The following PTPN7 variants were observed in gnomAD, a reference collection of about 807,000 sequenced individuals.
The protein encoded by PTPN7 is protein tyrosine phosphatase non-receptor type 7.
PTPN7 carries 33 observed loss-of-function variants against 50.3 expected under a neutral mutation model. The ratio of observed to expected loss-of-function variants is 0.66; its 90% confidence interval spans 0.50 to 0.88. The LOEUF is 0.88. Among genes scored for constraint, PTPN7 ranks in the 40% least tolerant of loss-of-function variants. The pLI is 0.00. For missense variants in PTPN7, 412 were observed against 475.4 expected, an observed-to-expected ratio of 0.87 and a Z score of 1.24; for synonymous variants, 185 against 186.6, an observed-to-expected ratio of 0.99 and a Z score of 0.07.
At chr1:202,153,934 CT>C (rs1656345032) in intron 6 of PTPN7, 99 bp from the exon 7 acceptor site, 1 of 1,094,712 alleles carries the variant, frequency 9.1e-7, no homozygotes. Flanking sequence ...TCCACCCCTA[CT>C]GGATGGGAGG....
Position 202,160,411 on chromosome 1 carries a change from CA to C in PTPN7, c.-53+133del. Reference sequence around the variant, plus strand: ...GTCTTGGGGACATCAGGTCTGTGAGCACCCATACCCCAGCCAGGCACTGTGG... The same window carrying C: ...GTCTTGGGGACATCAGGTCTGTGAGCCCCATACCCCAGCCAGGCACTGTGG... On this transcript the variant is annotated intron_variant, in intron 1 of 9. Coordinates refer to ENST00000691036, the MANE Select transcript of PTPN7 (RefSeq NM_002832.4). The surrounding 1 kb of genome is among the most constrained non-coding windows in gnomAD (Gnocchi z 4.8). The C allele has an allele frequency of 1.1e-6, 1 of 910,002 alleles. No individual in the cohort carries two copies. Among genetic ancestry groups the C allele is most frequent in the Non-Finnish European group, 1.7e-6 (1 of 603,610 alleles). 56.4% of individuals were successfully genotyped at this position (910,002 alleles called of 1,614,324 possible). A position where few individuals can be genotyped will look rare whatever the true frequency, so the allele number is the denominator to read the frequency against.
chr1:202,156,737 A>G (rs892867382), intron 4 of PTPN7, among the ~76,000 whole-genome samples: 1 of 152,186 alleles, frequency 6.6e-6, no homozygotes, highest in Non-Finnish European at 1.5e-5. Flanking sequence ...CAGGCAGAGG[A>G]CACTCCAGGA....
Position 202,160,516 on chromosome 1 carries a change from G to T in PTPN7, c.-53+29C>A, listed in dbSNP as rs1308158959. The T allele has an allele frequency of 6.5e-7, 1 of 1,531,344 alleles. No homozygotes were observed. Among genetic ancestry groups the T allele is most frequent in the Non-Finnish European group, 8.8e-7 (1 of 1,132,418 alleles). The allele number at this position is 1,531,344 out of a possible 1,614,324, so 94.9% of individuals were successfully genotyped here. On this transcript the variant is annotated intron_variant, in intron 1 of 9. Transcript: ENST00000691036. This position sits in a 1 kb window ranked among gnomAD's most constrained non-coding sequence, Gnocchi z 4.8. ...GAGTTCGCACCCCCCGGGGCCACAG[G>T]ACTCCCAGTCCCCCCTTCAGATACT...
chr1:202,160,767 G>C, upstream of PTPN7: 1 of 1,550,838 alleles, frequency 6.4e-7, no homozygotes, highest in Non-Finnish European at 8.7e-7. This position sits in a 1 kb window ranked among gnomAD's most constrained non-coding sequence, Gnocchi z 4.8. Flanking sequence ...CCAAGGCCCC[G>C]TTCCCTGGGA....
In PTPN7 at chr1:202,160,033, C is replaced by T; in HGVS notation, c.-53+512G>A. On this transcript the variant is annotated intron_variant, in intron 1 of 9. Transcript: ENST00000691036. This position sits in a 1 kb window ranked among gnomAD's most constrained non-coding sequence, Gnocchi z 4.8. ...CCAGGGAGGTAGGCTGGAGGTGTTTCCTTCCTCCTCCTGCCCATCCCCCCG... is the reference window on the plus strand; with the variant it reads ...CCAGGGAGGTAGGCTGGAGGTGTTTTCTTCCTCCTCCTGCCCATCCCCCCG... 1 of 952,128 alleles carries T rather than the reference C, an allele frequency of 1.1e-6. No individual in the cohort carries two copies. The highest frequency in any genetic ancestry group is 1.3e-6 in the Non-Finnish European group (1 of 796,124). The allele number at this position is 952,128 out of a possible 1,614,324, so 59.0% of individuals were successfully genotyped here. A position where few individuals can be genotyped will look rare whatever the true frequency, so the allele number is the denominator to read the frequency against.
rs190915138 is a variant in PTPN7 at position 202,152,531 on chromosome 1, G to A, written c.875+11C>T. 1,804 of 1,610,378 alleles carry A rather than the reference G, an allele frequency of 1.1e-3. 4 individuals carry two copies. The highest frequency in any genetic ancestry group is 1.3e-3 in the Non-Finnish European group (1,486 of 1,179,484). ...CAGTCCACAGGCTGCAGTGAAGGGA[G>A]GGCCACGCACCTGCAGTGGACTACG... On this transcript the variant is annotated intron_variant, in intron 8 of 9. Transcript: ENST00000691036.
intron 9 of PTPN7, chr1:202,150,091 C>T: frequency 2.3e-6 from 1 of 435,134 alleles, no homozygotes; most frequent in South Asian, 2.7e-5. Context: ...CCTCAGCCTC[C>T]CAAAGTGCTG....
At chr1:202,150,859 C>T (rs767053053) in intron 8 of PTPN7, among the ~76,000 whole-genome samples, 10 of 152,108 alleles carry the variant, frequency 6.6e-5, no homozygotes, top group Admixed American at 2.0e-4. Context: ...CCCACCTTGG[C>T]GCCCTCCCAC....
Position 202,159,957 on chromosome 1 carries a change from A to G in PTPN7, c.-52-503T>C. 2 of 1,002,270 alleles carry G rather than the reference A, an allele frequency of 2.0e-6. No individual in the cohort carries two copies. The highest frequency in any genetic ancestry group is 8.9e-5 in the South Asian group (2 of 22,584). The allele number at this position is 1,002,270 out of a possible 1,614,324, so 62.1% of individuals were successfully genotyped here. A position where few individuals can be genotyped will look rare whatever the true frequency, so the allele number is the denominator to read the frequency against. On this transcript the variant is annotated intron_variant, in intron 1 of 9. Transcript: ENST00000691036. This position sits in a 1 kb window ranked among gnomAD's most constrained non-coding sequence, Gnocchi z 4.6. ...CTGGACCCCAGCAGGGTCCTCTCCT[A>G]ACTGCTGCTGTTCCACTCCCAGGTC...
In PTPN7 at chr1:202,160,485, T is replaced by A; in HGVS notation, c.-53+60A>T. On this transcript the variant is annotated intron_variant, in intron 1 of 9. Coordinates refer to ENST00000691036, the MANE Select transcript of PTPN7 (RefSeq NM_002832.4). The surrounding 1 kb of genome is among the most constrained non-coding windows in gnomAD (Gnocchi z 4.8). ...TCCCTCCTAGAGATGCCCTCTTATA[T>A]CCCCGGAGTTCGCACCCCCCGGGGC... 1 of 1,466,532 alleles carries A rather than the reference T, an allele frequency of 6.8e-7. No individual in the cohort carries two copies. The highest frequency in any genetic ancestry group is 9.2e-7 in the Non-Finnish European group (1 of 1,083,318). The allele number at this position is 1,466,532 out of a possible 1,614,324, so 90.8% of individuals were successfully genotyped here.
At chr1:202,160,664 C>T, upstream of PTPN7, 2 of 1,550,566 alleles carry the variant, frequency 1.3e-6, no homozygotes, top group Non-Finnish European at 8.7e-7. This position sits in a 1 kb window ranked among gnomAD's most constrained non-coding sequence, Gnocchi z 4.8. Context: ...TCCTTGCTGC[C>T]ACCCACGCAC....
At chr1:202,155,405 C>T in intron 5 of PTPN7, 128 bp downstream of exon 5, 1 of 911,096 alleles carries the variant, frequency 1.1e-6, no homozygotes. Flanking sequence ...AGGGCTATGA[C>T]AGCAGTGAGC....
chr1:202,160,997 T>C, upstream of PTPN7: 1 of 1,424,218 alleles, frequency 7.0e-7, no homozygotes, highest in East Asian at 2.5e-5. This position sits in a 1 kb window ranked among gnomAD's most constrained non-coding sequence, Gnocchi z 4.8. Flanking sequence ...CCTTCTCTGC[T>C]TCTGCCCCAC....
At chr1:202,160,899 C>T, upstream of PTPN7, 1 of 1,456,514 alleles carries the variant, frequency 6.9e-7, no homozygotes, top group Non-Finnish European at 9.0e-7. The surrounding 1 kb of genome is among the most constrained non-coding windows in gnomAD (Gnocchi z 4.8). Flanking sequence ...TTGCTGGGCA[C>T]AGCTCGCCTG....
intron 4 of PTPN7, among the ~76,000 whole-genome samples, chr1:202,157,446 T>C (rs920924657): frequency 2.0e-5 from 3 of 151,426 alleles, no homozygotes; most frequent in Non-Finnish European, 4.4e-5. Context: ...GAGGCGGAGG[T>C]TGCAGTGAGC....
chr1:202,152,343 G>A (rs1234867740), intron 8 of PTPN7, among the ~76,000 whole-genome samples, 199 bp downstream of exon 8: 1 of 152,232 alleles, frequency 6.6e-6, no homozygotes, highest in East Asian at 1.9e-4. Context: ...TGGGGCCTGG[G>A]TGTCCAGCCC....
At position 202,159,889 on chromosome 1, in the gene PTPN7, C is replaced by T; in HGVS notation, c.-52-435G>A. The T allele has an allele frequency of 2.9e-6, 3 of 1,024,560 alleles. No homozygotes were observed. The highest frequency in any genetic ancestry group is 3.4e-5 in the African/African-American group (2 of 58,696). 63.5% of individuals were successfully genotyped at this position (1,024,560 alleles called of 1,614,324 possible). A position where few individuals can be genotyped will look rare whatever the true frequency, so the allele number is the denominator to read the frequency against. On this transcript the variant is annotated intron_variant, in intron 1 of 9. Coordinates refer to ENST00000691036, the MANE Select transcript of PTPN7 (RefSeq NM_002832.4). The surrounding 1 kb of genome is among the most constrained non-coding windows in gnomAD (Gnocchi z 4.6). Reference sequence around the variant, plus strand: ...TCCCCTGAACAGAGAATGGAGGCCTCCAGCAGTGTTGGAGCTGGTTGGGCA... The same window carrying T: ...TCCCCTGAACAGAGAATGGAGGCCTTCAGCAGTGTTGGAGCTGGTTGGGCA...
chr1:202,148,775 T>A, intron 9 of PTPN7, 76 bp from the exon 10 acceptor site: 1 of 1,247,710 alleles, frequency 8.0e-7, no homozygotes, highest in Non-Finnish European at 1.1e-6. Context: ...CAAACATCCC[T>A]GTGGTCCTAC....
At chr1:202,158,338 A>C (rs1260883455) in intron 2 of PTPN7, 37 bp from the exon 3 acceptor site, 2 of 1,600,904 alleles carry the variant, frequency 1.2e-6, no homozygotes, top group Admixed American at 3.5e-5. Context: ...GTGAGCACCC[A>C]ATCATATTTG....
Sources: gnomAD v4.1 joint callset for allele counts (sites outside exome capture counted in the v4.1 genomes callset) on GRCh38, gnomAD v4.1.1 for gene constraint, Gnocchi (gnomAD v3.1) non-coding constraint, MANE v1.5 for transcripts, NCBI Gene and HGNC (gene_info 2026-07-23, HGNC 2026-07-21) for gene names.